ISCA1: variants seen among roughly 807,000 people sequenced by gnomAD.
The protein encoded by ISCA1 is iron-sulfur cluster assembly 1.
ISCA1 carries 9 observed loss-of-function variants against 14.7 expected under a neutral mutation model. That is an observed-to-expected ratio of 0.61 (90% CI 0.37 to 1.07). ISCA1 has a LOEUF of 1.07. Among genes scored for constraint, ISCA1 ranks in the 50% least tolerant of loss-of-function variants. The pLI, the probability that ISCA1 is intolerant of heterozygous loss-of-function variation, is 0.01. For missense variants in ISCA1, 102 were observed against 150.1 expected, an observed-to-expected ratio of 0.68 and a Z score of 1.67; for synonymous variants, 38 against 54.3, an observed-to-expected ratio of 0.70 and a Z score of 1.32.
intron 2 of ISCA1, 45 bp downstream of exon 2, chr9:86,274,144 A>G (rs1298070158): frequency 9.5e-7 from 1 of 1,054,662 alleles, no homozygotes; most frequent in African/African-American, 1.6e-5. Flanking sequence ...CATTCTGAAA[A>G]TGCAGCTTCA....
At chr9:86,282,203 T>C in intron 1 of ISCA1, 175 bp downstream of exon 1, 2 of 673,910 alleles carry the variant, frequency 3.0e-6, no homozygotes, top group Non-Finnish European at 2.4e-6. Flanking sequence ...TGTTTATCGT[T>C]GCAAAGAGGG....
chr9:86,279,727 C>T (rs1047048931), intron 1 of ISCA1, among the ~76,000 whole-genome samples: 2 of 152,312 alleles, frequency 1.3e-5, no homozygotes, highest in East Asian at 1.9e-4. Flanking sequence ...TACTGAATTA[C>T]GTATACTTTT....
intron 1 of ISCA1, among the ~76,000 whole-genome samples, chr9:86,277,708 T>C (rs1825455184): frequency 6.6e-6 from 1 of 152,146 alleles, no homozygotes; most frequent in Non-Finnish European, 1.5e-5. Context: ...TCAAGAAATT[T>C]ATGTACTATT....
rs966946897 is a variant in ISCA1, at chr9:86,264,612, T to C, written c.*1431A>G. The C allele has an allele frequency of 5.2e-5, 8 of 152,584 alleles. No homozygotes were observed. Among genetic ancestry groups the C allele is most frequent in the African/African-American group, 1.9e-4 (8 of 41,444 alleles). The allele number at this position is 152,584 out of a possible 1,614,324, so 9.5% of individuals were successfully genotyped here. ...CTCAATCTCTACATACATACAGTGTTGCACGAATTATAAGTGGATCAACAA... is the reference window on the plus strand; with the variant it reads ...CTCAATCTCTACATACATACAGTGTCGCACGAATTATAAGTGGATCAACAA... On this transcript the variant is annotated 3_prime_UTR_variant, in exon 4 of 4. Transcript: ENST00000375991.
chr9:86,267,331 G>C (rs1323225113), intron 3 of ISCA1: 3 of 827,766 alleles, frequency 3.6e-6, no homozygotes, highest in Non-Finnish European at 4.4e-6. Context: ...TCTTCTTTAA[G>C]ATGAAAATCT....
intron 2 of ISCA1, among the ~76,000 whole-genome samples, chr9:86,272,393 C>T (rs1412201197): frequency 1.3e-5 from 2 of 152,166 alleles, no homozygotes; most frequent in Non-Finnish European, 2.9e-5. Flanking sequence ...TGTGAGATAT[C>T]CTCTGAATGT....
Position 86,265,848 on chromosome 9 carries a change from A to G in ISCA1, c.*195T>C. 2 of 915,780 alleles carry G rather than the reference A, an allele frequency of 2.2e-6. No homozygotes were observed. The highest frequency in any genetic ancestry group is 1.7e-5 in the African/African-American group (1 of 60,460). The allele number at this position is 915,780 out of a possible 1,614,324, so 56.7% of individuals were successfully genotyped here. ...ATACAAGAGACCTAAATGATCCAAA[A>G]AGAGTGATGGCTTCTCATTTTCTGT... On this transcript the variant is annotated 3_prime_UTR_variant, in exon 4 of 4. Coordinates refer to ENST00000375991, the MANE Select transcript of ISCA1 (RefSeq NM_030940.4).
intron 1 of ISCA1, among the ~76,000 whole-genome samples, chr9:86,279,908 C>T (rs948449371): frequency 2.6e-5 from 4 of 152,196 alleles, no homozygotes; most frequent in Non-Finnish European, 5.9e-5. Flanking sequence ...CCAACACAGG[C>T]TGTGTGGAAA....
intron 2 of ISCA1, among the ~76,000 whole-genome samples, chr9:86,273,429 G>A (rs1825398422): frequency 6.6e-6 from 1 of 152,166 alleles, no homozygotes; most frequent in African/African-American, 2.4e-5. Context: ...GCTGAATGGT[G>A]TTTGCGGCAG....
Position 86,266,078 on chromosome 9 carries a change from C to G in ISCA1, c.355G>C (p.Gly119Arg). ...EFVFNNPNIK[G>R]TCGCGESFNI ...AAGCTTTCTCCACAGCCACAAGTCC[C>G]TTTGATGTTTGGGTTATTGAACACA... The change falls in exon 4 of 4, where the codon GGG (glycine) becomes CGG (arginine). Residue 119 changes from glycine to arginine, a missense_variant. Gly to Arg is a moderately radical substitution (Grantham distance 125, BLOSUM62 -2). Coordinates refer to ENST00000375991, the MANE Select transcript of ISCA1 (RefSeq NM_030940.4). The G allele has an allele frequency of 6.2e-7, 1 of 1,612,636 alleles. No individual in the cohort carries two copies. Among genetic ancestry groups the G allele is most frequent in the Non-Finnish European group, 8.5e-7 (1 of 1,179,760 alleles).
intron 1 of ISCA1, 138 bp from the exon 2 acceptor site, chr9:86,274,380 T>TTA: frequency 1.6e-6 from 1 of 624,310 alleles, no homozygotes; most frequent in Non-Finnish European, 2.9e-6. Flanking sequence ...CTTATGGACT[T>TTA]TATATAGAAA....
At chr9:86,272,834 T>G (rs1210446682) in intron 2 of ISCA1, among the ~76,000 whole-genome samples, 2 of 152,348 alleles carry the variant, frequency 1.3e-5, no homozygotes, top group Non-Finnish European at 2.9e-5. Flanking sequence ...CCTGTAACAA[T>G]GTAATGCTAC....
intron 3 of ISCA1, chr9:86,266,864 G>C (rs192509727): frequency 1.3e-5 from 2 of 151,508 alleles, no homozygotes; most frequent in Non-Finnish European, 2.9e-5. Context: ...ATACCACCAG[G>C]ACCAACTAAT....
chr9:86,280,974 AC>A (rs67853445), intron 1 of ISCA1, among the ~76,000 whole-genome samples: 53,953 of 150,000 alleles, frequency 0.36, 12,671 homozygotes, highest in African/African-American at 0.66. Flanking sequence ...AAAACAAAAA[AC>A]AAAAAACCCA....
At chr9:86,278,228 A>G (rs941162898) in intron 1 of ISCA1, among the ~76,000 whole-genome samples, 3 of 152,224 alleles carry the variant, frequency 2.0e-5, no homozygotes, top group African/African-American at 2.4e-5. Context: ...GAACAAGTAC[A>G]GTGTATTTTA....
intron 1 of ISCA1, 197 bp downstream of exon 1, chr9:86,282,181 C>T: frequency 1.6e-6 from 1 of 623,278 alleles, no homozygotes; most frequent in South Asian, 2.2e-5. Flanking sequence ...GAGAGCAGCC[C>T]CGCCCGGGAC....
chr9:86,278,474 G>T (rs1372230005), intron 1 of ISCA1, among the ~76,000 whole-genome samples: 2 of 151,952 alleles, frequency 1.3e-5, no homozygotes, highest in African/African-American at 4.8e-5. Context: ...AGACCAGCCT[G>T]TGCAACAGAG....
chr9:86,269,593 T>C (rs932717891), intron 3 of ISCA1, among the ~76,000 whole-genome samples: 4 of 150,782 alleles, frequency 2.7e-5, no homozygotes, highest in African/African-American at 9.8e-5. Context: ...AAAACTACTT[T>C]AAAGTTCATA....
At chr9:86,282,290 G>A (rs1825530917) in intron 1 of ISCA1, 88 bp downstream of exon 1, 2 of 1,396,302 alleles carry the variant, frequency 1.4e-6, no homozygotes, top group Non-Finnish European at 1.9e-6. Context: ...GCGTCCCTGC[G>A]GCCCCACTCC....
Sources: allele counts gnomAD v4.1 joint callset (sites outside exome capture counted in the v4.1 genomes callset), GRCh38; gene constraint gnomAD v4.1.1; transcripts MANE v1.5; gene names NCBI Gene and HGNC (gene_info 2026-07-23, HGNC 2026-07-21).